Variants in GRID2 observed in about 807,000 individuals in gnomAD.
GRID2 encodes glutamate receptor ionotropic, delta-2.
GRID2 carries 33 observed loss-of-function variants against 114.8 expected under a neutral mutation model. The observed-to-expected ratio is 0.29, with a 90% CI of 0.22 to 0.38. The LOEUF (loss-of-function observed/expected upper bound fraction) is 0.38. GRID2 is among the 10% of genes least tolerant of loss of function. GRID2 has a pLI of 1.00. For missense variants in GRID2, 1,184 were observed against 1,257.7 expected, an observed-to-expected ratio of 0.94 and a Z score of 0.89; for synonymous variants, 505 against 449.9, an observed-to-expected ratio of 1.12 and a Z score of -1.55.
intron 2 of GRID2, among the ~76,000 whole-genome samples, chr4:92,691,408 C>T (rs1047748424): frequency 2.6e-5 from 4 of 152,010 alleles, no homozygotes; most frequent in Non-Finnish European, 4.4e-5. Flanking sequence ...GCAAGGGGAA[C>T]CTTAGGGCCA....
chr4:93,168,274 A>G (rs1738453117), intron 4 of GRID2, among the ~76,000 whole-genome samples: 1 of 151,934 alleles, frequency 6.6e-6, no homozygotes, highest in Non-Finnish European at 1.5e-5. Context: ...AGAAAGAGAA[A>G]GGAAAGGAAA....
At chr4:92,770,104 C>T (rs188382783) in intron 2 of GRID2, among the ~76,000 whole-genome samples, 26 of 152,282 alleles carry the variant, frequency 1.7e-4, no homozygotes, top group Admixed American at 5.9e-4. Context: ...TTGAATGCTT[C>T]GTTGCTTAGA....
At chr4:93,005,807 G>T (rs1001227447) in intron 2 of GRID2, among the ~76,000 whole-genome samples, 15 of 152,028 alleles carry the variant, frequency 9.9e-5, no homozygotes, top group Admixed American at 2.0e-4. Flanking sequence ...GTTGCACGTT[G>T]TACGTTTCTT....
chr4:93,659,287 G>A (rs73839750), intron 14 of GRID2, among the ~76,000 whole-genome samples: 18,995 of 152,100 alleles, frequency 0.12, 1,534 homozygotes, highest in East Asian at 0.42. Flanking sequence ...ACAGAGGCTG[G>A]AGGTCTCACA....
chr4:92,942,130 C>CTT (rs1228845357), intron 2 of GRID2, among the ~76,000 whole-genome samples: 22 of 152,044 alleles, frequency 1.4e-4, no homozygotes, highest in African/African-American at 5.3e-4. Context: ...TCCTTGTTAA[C>CTT]TTTCTGTCTT....
At chr4:92,362,745 A>G (rs1265918113) in intron 1 of GRID2, among the ~76,000 whole-genome samples, 1 of 152,088 alleles carries the variant, frequency 6.6e-6, no homozygotes, top group Non-Finnish European at 1.5e-5. Flanking sequence ...AAAGATTCAG[A>G]AACCAAACAC....
intron 8 of GRID2, among the ~76,000 whole-genome samples, chr4:93,274,531 A>G (rs1171539019): frequency 6.6e-6 from 1 of 152,156 alleles, no homozygotes; most frequent in African/African-American, 2.4e-5. Flanking sequence ...TGGGTAATTC[A>G]TGAATTTCAT....
At chr4:93,725,885 C>T (rs1729833052) in intron 14 of GRID2, among the ~76,000 whole-genome samples, 1 of 152,000 alleles carries the variant, frequency 6.6e-6, no homozygotes, top group South Asian at 2.1e-4. Context: ...GGATATTAGC[C>T]CTTTGTCAGA....
At chr4:93,667,154 C>T (rs1724016074) in intron 14 of GRID2, among the ~76,000 whole-genome samples, 1 of 151,940 alleles carries the variant, frequency 6.6e-6, no homozygotes, top group Non-Finnish European at 1.5e-5. Flanking sequence ...TAAGACAATT[C>T]AGTATATCAC....
intron 2 of GRID2, among the ~76,000 whole-genome samples, chr4:92,705,535 T>A (rs998199217): frequency 6.6e-6 from 1 of 152,186 alleles, no homozygotes; most frequent in African/African-American, 2.4e-5. Context: ...AGTATCAGAA[T>A]TGTACTCTGT....
chr4:92,757,504 A>G (rs12507379), intron 2 of GRID2, among the ~76,000 whole-genome samples: 44,251 of 152,020 alleles, frequency 0.29, 7,059 homozygotes, highest in Middle Eastern at 0.46. Flanking sequence ...GGAAGTTGAC[A>G]AGAAATCATA....
intron 2 of GRID2, among the ~76,000 whole-genome samples, chr4:92,946,448 C>A (rs576857917): frequency 2.0e-5 from 3 of 152,088 alleles, no homozygotes; most frequent in East Asian, 3.9e-4. Context: ...ATTTCACTTT[C>A]TTCTGAAGTA....
chr4:92,417,163 A>G, intron 1 of GRID2, among the ~76,000 whole-genome samples: 1 of 152,188 alleles, frequency 6.6e-6, no homozygotes, highest in South Asian at 2.1e-4. Flanking sequence ...GTAATAGTTA[A>G]TAAAAATAAA....
rs574386696 is a variant in GRID2, at chr4:93,520,139, G to T, written c.2193+4728G>T. Reference sequence around the variant, plus strand: ...TCAGCTCTGGCTGAAAAATTCAGTGGACTTGAACCTGCTATTTTACATACT... The same window carrying T: ...TCAGCTCTGGCTGAAAAATTCAGTGTACTTGAACCTGCTATTTTACATACT... On this transcript the variant is annotated intron_variant, in intron 13 of 15. Transcript: ENST00000282020. 5.3e-5 allele frequency among the ~76,000 whole-genome samples: 8 copies of T among 152,222 alleles called. No individual in the cohort carries two copies. The South Asian group carries it at 1.5e-3, about 28-fold the overall frequency.
intron 1 of GRID2, among the ~76,000 whole-genome samples, chr4:92,411,768 C>G (rs189974584): frequency 1.3e-5 from 2 of 150,588 alleles, no homozygotes; most frequent in Admixed American, 6.6e-5. Flanking sequence ...TGCAGTGGCG[C>G]GATCTCAGCT....
At chr4:92,469,115 A>G (rs1455795056) in intron 1 of GRID2, among the ~76,000 whole-genome samples, 5 of 152,180 alleles carry the variant, frequency 3.3e-5, no homozygotes, top group Non-Finnish European at 4.4e-5. Context: ...AACATACTTA[A>G]GAAACTTCAC....
At chr4:93,030,340 G>A in intron 2 of GRID2, among the ~76,000 whole-genome samples, 1 of 151,412 alleles carries the variant, frequency 6.6e-6, no homozygotes, top group East Asian at 1.9e-4. Flanking sequence ...AGGCAGTGAG[G>A]ACCGTATGGT....
chr4:93,550,207 A>G (rs1733629342), intron 13 of GRID2, among the ~76,000 whole-genome samples: 1 of 152,062 alleles, frequency 6.6e-6, no homozygotes, highest in South Asian at 2.1e-4. Context: ...TCAGCCTCCC[A>G]AGTAGCTGGG....
intron 9 of GRID2, among the ~76,000 whole-genome samples, chr4:93,405,107 T>A (rs924711034): frequency 4.6e-5 from 7 of 152,118 alleles, no homozygotes; most frequent in Non-Finnish European, 1.0e-4. Context: ...TCATTTTTAT[T>A]ATTGAAACAG....
Sources: gnomAD v4.1 joint callset for allele counts (sites outside exome capture counted in the v4.1 genomes callset) on GRCh38, gnomAD v4.1.1 for gene constraint, MANE v1.5 for transcripts, NCBI Gene and HGNC (gene_info 2026-07-23, HGNC 2026-07-21) for gene names.